Variants in NAV3 observed in about 807,000 individuals in gnomAD.
NAV3 encodes pore membrane and/or filament interacting like protein 1.
A neutral mutation model predicts 244.7 loss-of-function variants in NAV3; 87 were observed. That is an observed-to-expected ratio of 0.36 (90% CI 0.30 to 0.42). The LOEUF (loss-of-function observed/expected upper bound fraction) is 0.42. Ranked by LOEUF, NAV3 falls within the 20% of genes least tolerant of loss-of-function variation. The pLI, the probability that NAV3 is intolerant of heterozygous loss-of-function variation, is 1.00. For synonymous variants in NAV3, 1,126 were observed against 1,042.2 expected, an observed-to-expected ratio of 1.08 and a Z score of -1.55; for missense variants, 2,663 against 2,893.3, an observed-to-expected ratio of 0.92 and a Z score of 1.83.
At chr12:78,171,931 C>T (rs1030232702) in intron 24 of NAV3, among the ~76,000 whole-genome samples, 1 of 151,624 alleles carries the variant, frequency 6.6e-6, no homozygotes, top group African/African-American at 2.4e-5. Context: ...GCATCACATT[C>T]ATTAACAAAG....
At chr12:77,649,922 A>G (rs1372743782) in intron 2 of NAV3, among the ~76,000 whole-genome samples, 1 of 152,162 alleles carries the variant, frequency 6.6e-6, no homozygotes, top group Non-Finnish European at 1.5e-5. Context: ...TTCATGAATC[A>G]TTTAGCCAGA....
intron 34 of NAV3, among the ~76,000 whole-genome samples, chr12:78,195,770 G>T (rs1959168142): frequency 6.6e-6 from 1 of 151,862 alleles, no homozygotes; most frequent in African/African-American, 2.4e-5. Context: ...CAGCAGCTAG[G>T]CTAAATCTCT....
At chr12:78,026,960 T>C (rs1878162686) in intron 9 of NAV3, among the ~76,000 whole-genome samples, 1 of 152,166 alleles carries the variant, frequency 6.6e-6, no homozygotes, top group African/African-American at 2.4e-5. Flanking sequence ...ACAGTGAACT[T>C]ATGACCAATT....
chr12:78,178,226 C>T (rs1958335655), intron 28 of NAV3, among the ~76,000 whole-genome samples: 2 of 147,986 alleles, frequency 1.4e-5, no homozygotes, highest in South Asian at 4.3e-4. Flanking sequence ...ATGTCAAGAT[C>T]TCGGTTCACT....
intron 2 of NAV3, among the ~76,000 whole-genome samples, chr12:77,730,016 C>G (rs971039174): frequency 4.6e-5 from 7 of 151,898 alleles, no homozygotes; most frequent in Non-Finnish European, 1.0e-4. Flanking sequence ...TAGATATTGA[C>G]ATTTGAAGCT....
intron 2 of NAV3, among the ~76,000 whole-genome samples, chr12:77,635,597 G>A (rs1473780829): frequency 6.6e-6 from 1 of 152,088 alleles, no homozygotes; most frequent in African/African-American, 2.4e-5. Flanking sequence ...GCTTTACTTG[G>A]AACTTCCTGA....
At chr12:77,835,981 T>C (rs1874555928) in intron 1 of NAV3, among the ~76,000 whole-genome samples, 1 of 152,220 alleles carries the variant, frequency 6.6e-6, no homozygotes, top group Admixed American at 6.5e-5. Context: ...CTATGTCATA[T>C]GCAGTTGGAA....
chr12:77,886,652 T>G (rs1883325547), intron 1 of NAV3, among the ~76,000 whole-genome samples: 1 of 152,142 alleles, frequency 6.6e-6, no homozygotes, highest in South Asian at 2.1e-4. Context: ...CTACCATAGC[T>G]TACTGAATAA....
chr12:77,645,534 TCTAAAAAAA>T (rs1285095788), intron 2 of NAV3, among the ~76,000 whole-genome samples: 22 of 89,320 alleles, frequency 2.5e-4, no homozygotes, highest in African/African-American at 1.4e-3. Context: ...GCTCTCTCTC[TCTAAAAAAA>T]AAAAAAAAAA....
intron 2 of NAV3, among the ~76,000 whole-genome samples, chr12:77,660,092 T>G (rs886685176): frequency 6.6e-6 from 1 of 151,932 alleles, no homozygotes; most frequent in Non-Finnish European, 1.5e-5. Flanking sequence ...ACATGTACCC[T>G]AAAAGTTAAA....
At chr12:77,790,579 C>T (rs758080884) in intron 2 of NAV3, among the ~76,000 whole-genome samples, 14 of 152,174 alleles carry the variant, frequency 9.2e-5, no homozygotes, top group Non-Finnish European at 1.6e-4. Flanking sequence ...AATTTGCAAT[C>T]TGGCTTCATG....
At chr12:78,041,393 G>A (rs1880833671) in intron 9 of NAV3, among the ~76,000 whole-genome samples, 1 of 152,156 alleles carries the variant, frequency 6.6e-6, no homozygotes, top group South Asian at 2.1e-4. Flanking sequence ...GAGGAATAAT[G>A]AACAAAGTAG....
intron 5 of NAV3, among the ~76,000 whole-genome samples, chr12:77,976,079 C>T (rs545688498): frequency 6.6e-6 from 1 of 152,128 alleles, no homozygotes; most frequent in Admixed American, 6.5e-5. Context: ...TGTACGTTAT[C>T]GATATAGTAT....
Position 78,160,378 on chromosome 12 carries a change from A to AGTGTGTGTGTGTGT in NAV3, c.4869+1100_4869+1113dup, listed in dbSNP as rs10628612. On this transcript the variant is annotated intron_variant, in intron 23 of 39. Coordinates refer to ENST00000397909, the MANE Select transcript of NAV3 (RefSeq NM_001024383.2). ...AGGTGAAACCTATAGAATTCTATGGAGTGTGTGTGTGTGTGTGTGTGCGTG... is the reference window on the plus strand; with the variant it reads ...AGGTGAAACCTATAGAATTCTATGGAGTGTGTGTGTGTGTGTGTGTGTGTGTGTGTGTGTGCGTG... 4.7e-3 allele frequency among the ~76,000 whole-genome samples: 628 copies of AGTGTGTGTGTGTGT among 133,988 alleles called. 3 individuals carry two copies. Among genetic ancestry groups the AGTGTGTGTGTGTGT allele is most frequent in the East Asian group, 0.019 (74 of 3,882 alleles). The allele number at this position is 133,988 out of a possible 152,430, so 87.9% of individuals were successfully genotyped here. A position where few individuals can be genotyped will look rare whatever the true frequency, so the allele number is the denominator to read the frequency against.
chr12:77,951,485 T>C (rs1266393086), intron 3 of NAV3, among the ~76,000 whole-genome samples: 1 of 152,156 alleles, frequency 6.6e-6, no homozygotes, highest in African/African-American at 2.4e-5. Flanking sequence ...TGTAAACTAG[T>C]TCAACAATTG....
intron 2 of NAV3, among the ~76,000 whole-genome samples, chr12:77,722,884 T>C (rs989707392): frequency 1.3e-5 from 2 of 152,034 alleles, no homozygotes; most frequent in African/African-American, 4.8e-5. Context: ...ATTTTAGAAA[T>C]GATTTTTCTT....
At chr12:77,953,758 A>G (rs1593101507) in intron 3 of NAV3, among the ~76,000 whole-genome samples, 1 of 152,122 alleles carries the variant, frequency 6.6e-6, no homozygotes, top group Non-Finnish European at 1.5e-5. Context: ...AACAAATCAC[A>G]GTTCGAGGAA....
chr12:77,733,833 GA>G (rs1877222227), intron 2 of NAV3, among the ~76,000 whole-genome samples: 1 of 108,358 alleles, frequency 9.2e-6, no homozygotes, highest in African/African-American at 3.7e-5. Flanking sequence ...ACTTGGTTTA[GA>G]TTTTTTTTTT....
rs17194250 is a variant in NAV3 at position 77,786,433 on chromosome 12, T to G, written c.73-153886T>G. 4.9e-3 allele frequency among the ~76,000 whole-genome samples: 739 copies of G among 152,272 alleles called. 10 individuals are homozygous for G. Among genetic ancestry groups the G allele is most frequent in the African/African-American group, 0.016 (683 of 41,560 alleles). ...TATTGTTCATATGTTAAAACTGAAG[T>G]GACTCTTTTTTGTCTTTGTAACACT... On this transcript the variant is annotated intron_variant, in intron 2 of 8. Transcript: ENST00000550042.
Sources: gnomAD v4.1 joint callset for allele counts (sites outside exome capture counted in the v4.1 genomes callset) on GRCh38, gnomAD v4.1.1 for gene constraint, MANE v1.5 for transcripts, NCBI Gene and HGNC (gene_info 2026-07-23, HGNC 2026-07-21) for gene names.